The following GSE1 variants were observed in gnomAD, a reference collection of about 807,000 sequenced individuals.
GSE1 encodes the protein Gse1 coiled-coil protein, also known as genetic suppressor element 1.
In GSE1, 32 loss-of-function variants were observed where a neutral mutation model predicts 112.6. The observed-to-expected ratio is 0.28, with a 90% confidence interval of 0.21 to 0.38. The LOEUF is 0.38. GSE1 is among the 10% of genes least tolerant of loss of function. The pLI is 1.00. For synonymous variants in GSE1, 1,115 were observed against 735.6 expected (o/e 1.52, Z -8.35); for missense variants, 2,348 against 1,699.2 (o/e 1.38, Z -6.71).
intron 1 of GSE1, among the ~76,000 whole-genome samples, chr16:85,248,656 A>G (rs1420740042): frequency 6.6e-6 from 1 of 152,186 alleles, no homozygotes; most frequent in African/African-American, 2.4e-5. Context: ...AGTATCTAAT[A>G]TTTACACACC....
chr16:85,624,994 C>A (rs1295008497), intron 1 of GSE1, among the ~76,000 whole-genome samples: 1 of 152,206 alleles, frequency 6.6e-6, no homozygotes. Flanking sequence ...AGGTAGCCGG[C>A]GCCCTGTAAA....
intron 2 of GSE1, among the ~76,000 whole-genome samples, chr16:85,392,310 G>A (rs1020593281): frequency 2.0e-5 from 3 of 152,244 alleles, no homozygotes; most frequent in Non-Finnish European, 4.4e-5. Context: ...AGGACACCCA[G>A]TGAAACTTAA....
At chr16:85,588,431 T>C (rs746273395) in intron 1 of GSE1, among the ~76,000 whole-genome samples, 215 of 152,306 alleles carry the variant, frequency 1.4e-3, no homozygotes, top group Non-Finnish European at 2.6e-3. Context: ...AACGGCTTTA[T>C]GATCCTCAAG....
Position 85,654,401 on chromosome 16 carries a change from G to A in GSE1, c.550G>A (p.Gly184Ser), listed in dbSNP as rs201281892. ...SHLLSTPYPF[G>S]LSPSSVVQDS... ...CCTGCTCAGCACCCCCTACCCCTTC[G>A]GCCTCTCCCCCAGCTCAGTTGTGCA... Residue 184 changes from glycine (G) to serine (S), a missense_variant, in exon 4 of 16, where the codon GGC becomes AGC. By Grantham distance (56) the Gly-to-Ser change is moderately conservative (BLOSUM62 0). Coordinates refer to ENST00000253458, the MANE Select transcript of GSE1 (RefSeq NM_014615.5). 110 of 1,600,490 alleles carry A rather than the reference G, an allele frequency of 6.9e-5. No homozygotes were observed. Among genetic ancestry groups the A allele is most frequent in the East Asian group, 4.0e-4 (18 of 44,714 alleles).
chr16:85,422,879 G>T (rs2048883537), intron 2 of GSE1, among the ~76,000 whole-genome samples: 1 of 152,140 alleles, frequency 6.6e-6, no homozygotes, highest in African/African-American at 2.4e-5. Context: ...GACGCTCGGG[G>T]CTCCAGGGGT....
intron 1 of GSE1, among the ~76,000 whole-genome samples, chr16:85,191,031 G>T (rs542928789): frequency 6.6e-6 from 1 of 152,376 alleles, no homozygotes; most frequent in Non-Finnish European, 1.5e-5. Flanking sequence ...GGTCACGGCA[G>T]GTGGATCGCT....
intron 1 of GSE1, among the ~76,000 whole-genome samples, chr16:85,336,461 G>C (rs1224862008): frequency 2.0e-5 from 3 of 152,220 alleles, no homozygotes; most frequent in Non-Finnish European, 4.4e-5. Flanking sequence ...CAGAGGTGCA[G>C]GATTAGGCCA....
In GSE1 at chr16:85,672,089, C is replaced by G. The variant is rs532053773; in HGVS notation, c.3520-316C>G. On this transcript the variant is annotated intron_variant, in intron 15 of 15. Coordinates refer to ENST00000253458, the MANE Select transcript of GSE1 (RefSeq NM_014615.5). ...TCTCGGCTCACTGCAACCTCCGCCT[C>G]CTGGGTTCAAGCGATTCTCCTGCCT... The G allele has an allele frequency of 4.0e-4, 122 of 307,916 alleles. 1 individual carries two copies. The highest frequency in any genetic ancestry group is 1.6e-4 in the Non-Finnish European group (25 of 153,276). The allele number at this position is 307,916 out of a possible 1,614,324, so 19.1% of individuals were successfully genotyped here.
intron 1 of GSE1, among the ~76,000 whole-genome samples, chr16:85,206,375 A>G (rs2075116673): frequency 6.6e-6 from 1 of 152,156 alleles, no homozygotes; most frequent in Admixed American, 6.5e-5. Flanking sequence ...CCCTTTGAGA[A>G]GCCTTGTGTT....
chr16:85,216,440 A>G (rs922489903), intron 1 of GSE1, among the ~76,000 whole-genome samples: 10 of 152,342 alleles, frequency 6.6e-5, no homozygotes, highest in Non-Finnish European at 1.3e-4. Flanking sequence ...AGCTCTCTCT[A>G]TTACCATATC....
At position 85,662,990 on chromosome 16, in the gene GSE1, A is replaced by G. The variant is rs764294895; in HGVS notation, c.2270A>G (p.Tyr757Cys). 3.1e-6 allele frequency: 5 copies of G among 1,606,830 alleles called. No individual in the cohort carries two copies. The highest frequency in any genetic ancestry group is 2.2e-5 in the South Asian group (2 of 90,956). The change falls in exon 10 of 16, where the codon TAC becomes TGC. Residue 757 changes from tyrosine to cysteine, a missense_variant. Physicochemically the swap from Tyr to Cys is radical, Grantham distance 194. Transcript: ENST00000253458. The stretch of plus-strand genomic sequence containing the variant: ...ACCATTTCTCCATCAGGGTACTACT[A>G]CGACCTCGATGACTCTTACGACGAG... ...RREAQEKGYY[Y>C]DLDDSYDESD...
intron 1 of GSE1, chr16:85,171,922 G>C (rs1210471570): frequency 1.9e-6 from 1 of 538,104 alleles, no homozygotes; most frequent in Non-Finnish European, 2.4e-6. Context: ...CACTGGTTCT[G>C]TGCGGGGTGT....
Position 85,567,111 on chromosome 16 carries a change from GAT to G in GSE1, c.37+10749_37+10750del, listed in dbSNP as rs1229383734. 2.0e-5 allele frequency among the ~76,000 whole-genome samples: 3 copies of G among 149,818 alleles called. No individual in the cohort carries two copies. The East Asian group carries it at 6.2e-4, about 31-fold the overall frequency. ...TCCTGGAAAGTTTCACTCACAGGCG[GAT>G]TTCAACCGCCTGTGCTGTCTTTATG... On this transcript the variant is annotated intron_variant, in intron 1 of 2. Transcript: ENST00000635906.
At chr16:85,356,306 C>T (rs1359138939) in intron 1 of GSE1, among the ~76,000 whole-genome samples, 7 of 152,260 alleles carry the variant, frequency 4.6e-5, no homozygotes, top group Admixed American at 4.6e-4. Context: ...GCAGTTCCTG[C>T]AAAAGTGCCC....
chr16:85,555,223 G>A, upstream of GSE1: 2 of 985,334 alleles, frequency 2.0e-6, no homozygotes, highest in Non-Finnish European at 2.4e-6. Context: ...AATGATTCTT[G>A]CATGAAAATT....
chr16:85,244,176 ATTAACC>A (rs970996473), intron 1 of GSE1, among the ~76,000 whole-genome samples: 3 of 152,194 alleles, frequency 2.0e-5, no homozygotes, highest in Admixed American at 2.0e-4. Context: ...AAGGCTGTGA[ATTAACC>A]CTGGATTATG....
upstream of GSE1, among the ~76,000 whole-genome samples, chr16:85,610,495 G>C (rs2047919492): frequency 6.6e-6 from 1 of 152,364 alleles, no homozygotes; most frequent in South Asian, 2.1e-4. Context: ...GACAAACCTC[G>C]TTAGCGAGGA....
chr16:85,241,153 G>C (rs538449573), intron 1 of GSE1, among the ~76,000 whole-genome samples: 2 of 102,148 alleles, frequency 2.0e-5, no homozygotes, highest in South Asian at 6.2e-4. Flanking sequence ...TCCTAGCTGC[G>C]TGACCTTGGG....
intron 2 of GSE1, among the ~76,000 whole-genome samples, chr16:85,411,150 CT>C (rs10714372): frequency 2.0e-4 from 20 of 98,666 alleles, no homozygotes; most frequent in East Asian, 5.5e-4. Context: ...CAGGGCCCCC[CT>C]GGATAATCCT....
Sources: allele counts gnomAD v4.1 joint callset (sites outside exome capture counted in the v4.1 genomes callset), GRCh38; gene constraint gnomAD v4.1.1; transcripts MANE v1.5; gene names NCBI Gene and HGNC (gene_info 2026-07-23, HGNC 2026-07-21).